Variants in NEDD4L observed in about 807,000 individuals in gnomAD.
NEDD4L encodes the protein NEDD4 like E3 ubiquitin protein ligase.
NEDD4L carries 54 observed loss-of-function variants against 148.9 expected under a neutral mutation model. That is an observed-to-expected ratio of 0.36 (90% CI 0.29 to 0.45). NEDD4L has a LOEUF of 0.45. Among genes scored for constraint, NEDD4L ranks in the 20% least tolerant of loss-of-function variants. The pLI is 1.00. For missense variants in NEDD4L, 856 were observed against 1,233.8 expected, an observed-to-expected ratio of 0.69 and a Z score of 4.59; for synonymous variants, 433 against 440.7, an observed-to-expected ratio of 0.98 and a Z score of 0.22.
intron 9 of NEDD4L, among the ~76,000 whole-genome samples, 164 bp from the exon 10 acceptor site, chr18:58,328,831 C>T (rs550540112): frequency 2.0e-5 from 3 of 152,298 alleles, no homozygotes; most frequent in South Asian, 4.1e-4. Flanking sequence ...ATACTTTAGC[C>T]GTAATATGGT....
intron 1 of NEDD4L, among the ~76,000 whole-genome samples, chr18:58,160,945 C>A (rs187274414): frequency 3.3e-5 from 5 of 152,170 alleles, no homozygotes; most frequent in Admixed American, 2.0e-4. Context: ...AACCCCTTCA[C>A]GTCTTCCGTA....
Position 58,316,052 on chromosome 18 carries a change from T to G in NEDD4L, c.348+20T>G, listed in dbSNP as rs768438187. On this transcript the variant is annotated intron_variant, in intron 6 of 30. Coordinates refer to ENST00000400345, the MANE Select transcript of NEDD4L (RefSeq NM_001144967.3). Reference sequence around the variant, plus strand: ...CTTCCGGTAAGGACAGTCTCATGTTTGATGCTTCGTGCTGGGGGCGGGGGT... The same window carrying G: ...CTTCCGGTAAGGACAGTCTCATGTTGGATGCTTCGTGCTGGGGGCGGGGGT... 1 of 1,602,148 alleles carries G rather than the reference T, an allele frequency of 6.2e-7. No homozygotes were observed. The highest frequency in any genetic ancestry group is 8.6e-7 in the Non-Finnish European group (1 of 1,169,404).
At chr18:58,185,002 C>T (rs1179611467) in intron 2 of NEDD4L, among the ~76,000 whole-genome samples, 2 of 152,258 alleles carry the variant, frequency 1.3e-5, no homozygotes, top group East Asian at 3.9e-4. Flanking sequence ...GGACCTAACC[C>T]TGCGAGGGAG....
intron 10 of NEDD4L, 30 bp from the exon 11 acceptor site, chr18:58,330,708 T>G: frequency 6.7e-7 from 1 of 1,489,996 alleles, no homozygotes; most frequent in Non-Finnish European, 9.0e-7. Flanking sequence ...TTCTTTCTAG[T>G]GTTTACCCCA....
rs755050464 is a variant in NEDD4L at position 58,400,646 on chromosome 18, G to A, written c.*4377G>A. 26 of 152,336 alleles carry A rather than the reference G, an allele frequency of 1.7e-4. No individual in the cohort carries two copies. The highest frequency in any genetic ancestry group is 3.4e-3 in the Middle Eastern group (1 of 294). 9.4% of individuals were successfully genotyped at this position (152,336 alleles called of 1,614,324 possible). ...GCATGTTTCAAAGGCACGTCTTTCC[G>A]TTCGTTGGTTTTCTGTGTGTAAGGA... is the stretch of plus-strand genomic sequence containing the variant. On this transcript the variant is annotated 3_prime_UTR_variant, in exon 31 of 31. Coordinates refer to ENST00000400345, the MANE Select transcript of NEDD4L (RefSeq NM_001144967.3).
At chr18:58,072,871 C>T (rs1205047231) in intron 1 of NEDD4L, among the ~76,000 whole-genome samples, 3 of 89,726 alleles carry the variant, frequency 3.3e-5, no homozygotes, top group African/African-American at 9.1e-5. Context: ...CGCGCGCGCG[C>T]GCACACACAC....
chr18:58,099,933 A>C (rs1175376873), intron 1 of NEDD4L, among the ~76,000 whole-genome samples: 1 of 152,132 alleles, frequency 6.6e-6, no homozygotes, highest in Non-Finnish European at 1.5e-5. Context: ...TGCTTTACAG[A>C]ATAATCTGAG....
intron 1 of NEDD4L, among the ~76,000 whole-genome samples, chr18:58,050,996 A>C (rs762511495): frequency 4.6e-5 from 7 of 152,142 alleles, no homozygotes; most frequent in Non-Finnish European, 1.0e-4. Context: ...ATATTTTCCC[A>C]AGAAAAGTGA....
At chr18:58,260,590 C>T (rs921887908) in intron 5 of NEDD4L, among the ~76,000 whole-genome samples, 7 of 152,078 alleles carry the variant, frequency 4.6e-5, no homozygotes, top group African/African-American at 1.2e-4. Flanking sequence ...GATGTGATAC[C>T]GTTGTTAGGT....
At chr18:58,083,209 A>G (rs1366045454) in intron 1 of NEDD4L, among the ~76,000 whole-genome samples, 1 of 152,210 alleles carries the variant, frequency 6.6e-6, no homozygotes, top group Non-Finnish European at 1.5e-5. Context: ...ATATACGAGA[A>G]GTGCTGCAGT....
At chr18:58,163,072 GA>G (rs34276141) in intron 1 of NEDD4L, among the ~76,000 whole-genome samples, 71,199 of 147,386 alleles carry the variant, frequency 0.48, 17,110 homozygotes, top group Admixed American at 0.56. Context: ...TCAAAAAAAA[GA>G]AAAAAAAAAA....
At chr18:58,358,124 A>C (rs914891754) in intron 19 of NEDD4L, among the ~76,000 whole-genome samples, 1 of 152,236 alleles carries the variant, frequency 6.6e-6, no homozygotes, top group African/African-American at 2.4e-5. Context: ...TTAAAATTCC[A>C]ATTTCATGGC....
At chr18:58,251,193 A>T (rs184836238) in intron 4 of NEDD4L, among the ~76,000 whole-genome samples, 41 of 152,252 alleles carry the variant, frequency 2.7e-4, no homozygotes, top group Admixed American at 1.7e-3. Context: ...AAAGGAGATC[A>T]TGGGTTGTTG....
intron 2 of NEDD4L, among the ~76,000 whole-genome samples, chr18:58,184,051 C>A (rs1261549912): frequency 6.6e-6 from 1 of 152,106 alleles, no homozygotes; most frequent in African/African-American, 2.4e-5. Context: ...TGCCTGTAGT[C>A]CCAGCTACTC....
intron 1 of NEDD4L, among the ~76,000 whole-genome samples, chr18:58,107,734 A>AT (rs1385370171): frequency 6.6e-6 from 1 of 151,968 alleles, no homozygotes; most frequent in Non-Finnish European, 1.5e-5. Context: ...AAAAAAAAAA[A>AT]AGGCTTTCAA....
At chr18:58,346,671 C>T (rs2043109185) in intron 16 of NEDD4L, among the ~76,000 whole-genome samples, 1 of 152,158 alleles carries the variant, frequency 6.6e-6, no homozygotes, top group Admixed American at 6.5e-5. Context: ...AGATACTGCT[C>T]TTTGCATCCT....
chr18:58,359,060 A>G (rs1464154416), intron 19 of NEDD4L, among the ~76,000 whole-genome samples: 1 of 151,978 alleles, frequency 6.6e-6, no homozygotes, highest in Non-Finnish European at 1.5e-5. Flanking sequence ...TTTTGTGTCC[A>G]TTAGGTCAAG....
intron 5 of NEDD4L, among the ~76,000 whole-genome samples, chr18:58,260,034 A>G (rs2049148260): frequency 6.6e-6 from 1 of 152,160 alleles, no homozygotes; most frequent in South Asian, 2.1e-4. Context: ...CGAGTATCCA[A>G]TGTATTAACC....
chr18:58,210,344 GA>G (rs1458503075), intron 2 of NEDD4L, among the ~76,000 whole-genome samples: 1 of 152,246 alleles, frequency 6.6e-6, no homozygotes, highest in Non-Finnish European at 1.5e-5. Context: ...AAGAAGCATG[GA>G]AAAGTTGAAT....
Sources: allele counts gnomAD v4.1 joint callset (sites outside exome capture counted in the v4.1 genomes callset), GRCh38; gene constraint gnomAD v4.1.1; transcripts MANE v1.5; gene names NCBI Gene and HGNC (gene_info 2026-07-23, HGNC 2026-07-21).